Variants in CHUK observed in about 807,000 individuals in gnomAD.
CHUK encodes the protein component of inhibitor of nuclear factor kappa B kinase complex.
CHUK carries 35 observed loss-of-function variants against 104.8 expected under a neutral mutation model. That is an observed-to-expected ratio of 0.33 (90% confidence interval 0.26 to 0.44). The LOEUF (loss-of-function observed/expected upper bound fraction) is 0.44. Ranked by LOEUF, CHUK falls within the 20% of genes least tolerant of loss-of-function variation. CHUK has a pLI of 1.00. For synonymous variants in CHUK, 276 were observed against 291.9 expected, an observed-to-expected ratio of 0.95 and a Z score of 0.56; for missense variants, 663 against 902.7, an observed-to-expected ratio of 0.73 and a Z score of 3.40.
intron 9 of CHUK, 30 bp from the exon 10 acceptor site, chr10:100,209,819 A>C: frequency 3.0e-6 from 3 of 1,009,114 alleles, no homozygotes; most frequent in Non-Finnish European, 4.7e-6. Flanking sequence ...AGGTAAAGTT[A>C]TTGATTATTT....
chr10:100,199,929 T>C, intron 16 of CHUK, 42 bp downstream of exon 16: 1 of 1,397,600 alleles, frequency 7.2e-7, no homozygotes, highest in Non-Finnish European at 1.0e-6. Flanking sequence ...CTAGTGATAG[T>C]TACCTAAAAT....
chr10:100,190,500 T>C, intron 20 of CHUK: 1 of 264,138 alleles, frequency 3.8e-6, no homozygotes, highest in South Asian at 4.5e-5. Flanking sequence ...ATAATTTATT[T>C]TCTATTCGGG....
rs557456873 is a variant in CHUK, at chr10:100,206,139, A to G, written c.1232-940T>C. On this transcript the variant is annotated intron_variant, in intron 11 of 20. Coordinates refer to ENST00000370397, the MANE Select transcript of CHUK (RefSeq NM_001278.5). ...GATGAGATCTTAGAACAGAAAAAGG[A>G]TATTAGGTAAAAATGAAGGAAATGT... is the stretch of plus-strand genomic sequence containing the variant. Among the ~76,000 whole-genome samples, 7 of 152,240 alleles carry G rather than the reference A, an allele frequency of 4.6e-5. No individual in the cohort carries two copies. The South Asian group carries it at 1.0e-3, about 23-fold the overall frequency.
At chr10:100,187,337 T>TA (rs1169701439), downstream of CHUK, 1 of 152,246 alleles carries the variant, frequency 6.6e-6, no homozygotes, top group Non-Finnish European at 1.5e-5. Context: ...CCGTCTTCAT[T>TA]AAAGCAAGAC....
chr10:100,193,514 C>T, intron 18 of CHUK, 83 bp from the exon 19 acceptor site: 3 of 1,519,812 alleles, frequency 2.0e-6, no homozygotes, highest in South Asian at 1.1e-5. Context: ...ATTCCTAAGA[C>T]TTACATTTCC....
At chr10:100,194,289 T>A (rs908216217) in intron 17 of CHUK, 136 bp downstream of exon 17, 9 of 1,051,932 alleles carry the variant, frequency 8.6e-6, no homozygotes, top group Middle Eastern at 2.0e-4. Context: ...TGCAGATAGC[T>A]ATGGCCAAGC....
chr10:100,213,918 T>C (rs1589592326), intron 9 of CHUK, among the ~76,000 whole-genome samples: 1 of 152,242 alleles, frequency 6.6e-6, no homozygotes, highest in East Asian at 1.9e-4. Context: ...ATTGCCAGTA[T>C]TTCTCTTATT....
chr10:100,200,661 G>A lies in CHUK; in HGVS notation c.1679+10C>T, dbSNP rs369271354. The A allele has an allele frequency of 5.7e-4, 705 of 1,231,666 alleles. 1 individual carries two copies. Among genetic ancestry groups the A allele is most frequent in the Admixed American group, 7.4e-4 (44 of 59,496 alleles). 76.3% of individuals were successfully genotyped at this position (1,231,666 alleles called of 1,614,324 possible). A position where few individuals can be genotyped will look rare whatever the true frequency, so the allele number is the denominator to read the frequency against. ...AGATGTCAAGACCAACAACACAAGT[G>A]CATCCTTACAGAGATTCCATCAAGT... is the stretch of plus-strand genomic sequence containing the variant. On this transcript the variant is annotated intron_variant, in intron 15 of 20. Transcript: ENST00000370397.
intron 9 of CHUK, among the ~76,000 whole-genome samples, chr10:100,212,317 T>G (rs890725930): frequency 8.5e-5 from 13 of 152,238 alleles, no homozygotes; most frequent in Admixed American, 8.5e-4. Context: ...TTTTTTCTTT[T>G]GGATAATAGC....
At chr10:100,199,139 G>A (rs1420297802) in intron 16 of CHUK, among the ~76,000 whole-genome samples, 2 of 152,260 alleles carry the variant, frequency 1.3e-5, no homozygotes, top group East Asian at 3.9e-4. Context: ...CTTTCCAGCA[G>A]ACCTTGCTCA....
Position 100,204,172 on chromosome 10 carries a change from G to C in CHUK, c.1507+334C>G, listed in dbSNP as rs180973181. Reference sequence around the variant, plus strand: ...GTCAGAATTTCAACATATGTATTTTGGGGGGGATACATTCAGTCCACAGCA... The same window carrying C: ...GTCAGAATTTCAACATATGTATTTTCGGGGGGATACATTCAGTCCACAGCA... On this transcript the variant is annotated intron_variant, in intron 13 of 20. Transcript: ENST00000370397. Among the ~76,000 whole-genome samples the C allele has an allele frequency of 1.7e-3, 259 of 152,228 alleles. 1 individual carries two copies. Among genetic ancestry groups the C allele is most frequent in the Middle Eastern group, 3.4e-3 (1 of 294 alleles).
intron 4 of CHUK, 114 bp from the exon 5 acceptor site, chr10:100,220,790 G>GT (rs1351116015): frequency 1.3e-5 from 9 of 702,344 alleles, no homozygotes; most frequent in Admixed American, 2.2e-5. Context: ...ATGGATCATC[G>GT]TAACTACACA....
At chr10:100,219,380 T>G (rs781051961) in intron 5 of CHUK, 21 bp from the exon 6 acceptor site, 5 of 1,247,584 alleles carry the variant, frequency 4.0e-6, no homozygotes, top group Non-Finnish European at 5.9e-6. Context: ...ATAAGACAGA[T>G]TAAGTATTAA....
At chr10:100,200,891 A>C in intron 14 of CHUK, 111 bp from the exon 15 acceptor site, 1 of 714,584 alleles carries the variant, frequency 1.4e-6, no homozygotes, top group Non-Finnish European at 2.6e-6. Flanking sequence ...TAGAGAACTA[A>C]ATAATATAAT....
intron 2 of CHUK, among the ~76,000 whole-genome samples, chr10:100,224,058 C>T (rs931669796): frequency 6.6e-6 from 1 of 151,612 alleles, no homozygotes; most frequent in Non-Finnish European, 1.5e-5. Flanking sequence ...ATAAAAGATA[C>T]GTCGGTTTTC....
At chr10:100,223,381 G>A (rs1214200497) in intron 2 of CHUK, among the ~76,000 whole-genome samples, 1 of 152,192 alleles carries the variant, frequency 6.6e-6, no homozygotes, top group African/African-American at 2.4e-5. Flanking sequence ...AGTTGTAACT[G>A]TAATCCCAAC....
intron 20 of CHUK, chr10:100,190,570 A>G (rs1362443845): frequency 2.5e-6 from 1 of 392,872 alleles, no homozygotes; most frequent in Non-Finnish European, 4.7e-6. Flanking sequence ...TGATTGCTGA[A>G]GCAAAAAGGT....
At chr10:100,209,114 C>G (rs1845661010) in intron 10 of CHUK, among the ~76,000 whole-genome samples, 1 of 152,200 alleles carries the variant, frequency 6.6e-6, no homozygotes, top group South Asian at 2.1e-4. Flanking sequence ...AAGACTCAGA[C>G]CTCAGCTACA....
chr10:100,216,490 G>A (rs1387782424), intron 9 of CHUK, among the ~76,000 whole-genome samples: 2 of 152,122 alleles, frequency 1.3e-5, no homozygotes, highest in Admixed American at 1.3e-4. Flanking sequence ...GATTACTTGA[G>A]GCCAGGAGTT....
Sources: gnomAD v4.1 joint callset for allele counts (sites outside exome capture counted in the v4.1 genomes callset) on GRCh38, gnomAD v4.1.1 for gene constraint, MANE v1.5 for transcripts, NCBI Gene and HGNC (gene_info 2026-07-23, HGNC 2026-07-21) for gene names.